Variants in YEATS4 observed in about 807,000 individuals in gnomAD.
YEATS4 encodes YEATS domain containing 4.
YEATS4 carries 17 observed loss-of-function variants against 30.1 expected under a neutral mutation model. The observed-to-expected ratio is 0.56, with a 90% CI of 0.39 to 0.85. The LOEUF (loss-of-function observed/expected upper bound fraction) is 0.85, where lower values mean the gene tolerates loss of function less well. YEATS4 is among the 40% of genes least tolerant of loss of function. YEATS4 has a pLI of 0.00. For missense variants in YEATS4, 142 were observed against 268.3 expected (o/e 0.53, Z 3.29); for synonymous variants, 85 against 87.5 (o/e 0.97, Z 0.16).
the YEATS4 span, among the ~76,000 whole-genome samples, chr12:69,420,564 T>C: frequency 6.6e-6 from 1 of 152,148 alleles, no homozygotes; most frequent in East Asian, 1.9e-4. Flanking sequence ...TTGGCAGCTC[T>C]TGACAAAAAG....
chr12:69,376,091 G>A (rs1281282905), intron 6 of YEATS4, among the ~76,000 whole-genome samples: 1 of 152,170 alleles, frequency 6.6e-6, no homozygotes, highest in Non-Finnish European at 1.5e-5. Flanking sequence ...TACAGGCTGG[G>A]TGTGGTGGCT....
chr12:69,359,835 C>G lies in YEATS4; in HGVS notation c.-138C>G, dbSNP rs566062553. On this transcript the variant is annotated 5_prime_UTR_variant, in exon 1 of 7. Coordinates refer to ENST00000247843, the MANE Select transcript of YEATS4 (RefSeq NM_006530.4). ...GTTGACGGTTACTCACCGCCGTGAGCCCAAGTAACTCGCCCTCCTTCGGCT... is the reference window on the plus strand; with the variant it reads ...GTTGACGGTTACTCACCGCCGTGAGGCCAAGTAACTCGCCCTCCTTCGGCT... 3.0e-6 allele frequency: 3 copies of G among 1,014,744 alleles called. No individual in the cohort carries two copies. Among genetic ancestry groups the G allele is most frequent in the African/African-American group, 1.7e-5 (1 of 60,536 alleles). 62.9% of individuals were successfully genotyped at this position (1,014,744 alleles called of 1,614,324 possible).
At chr12:69,387,065 G>A (rs576503441) in intron 6 of YEATS4, among the ~76,000 whole-genome samples, 1 of 152,098 alleles carries the variant, frequency 6.6e-6, no homozygotes, top group South Asian at 2.1e-4. Flanking sequence ...ATTGACAGTG[G>A]CTAACTGTAA....
intron 6 of YEATS4, among the ~76,000 whole-genome samples, chr12:69,374,140 GT>G (rs56302338): frequency 3.4e-5 from 5 of 147,178 alleles, no homozygotes; most frequent in Admixed American, 6.7e-5. Context: ...TTTAGGTTTT[GT>G]TTTTTTTTTT....
At position 69,390,868 on chromosome 12, in the gene YEATS4, T is replaced by A. The variant is rs1868309506; in HGVS notation, c.*552T>A. 6.6e-6 allele frequency: 1 copy of A among 152,272 alleles called. No homozygotes were observed. Among genetic ancestry groups the A allele is most frequent in the South Asian group, 2.1e-4 (1 of 4,836 alleles). 9.4% of individuals were successfully genotyped at this position (152,272 alleles called of 1,614,324 possible). A position where few individuals can be genotyped will look rare whatever the true frequency, so the allele number is the denominator to read the frequency against. On this transcript the variant is annotated 3_prime_UTR_variant, in exon 7 of 7. Coordinates refer to ENST00000247843, the MANE Select transcript of YEATS4 (RefSeq NM_006530.4). ...CTCCCTCAATACAGTTAAAGTATCT[T>A]TATAGTATTGTGACATCACATCTCT...
intron 1 of YEATS4, among the ~76,000 whole-genome samples, chr12:69,362,013 G>GTTTTTGTT (rs1555174243): frequency 8.7e-5 from 6 of 69,080 alleles, no homozygotes; most frequent in African/African-American, 2.5e-4. Context: ...GTGTTTGGTT[G>GTTTTTGTT]TTTTTTTTTT....
chr12:69,383,762 A>G (rs1443910255), intron 6 of YEATS4, among the ~76,000 whole-genome samples: 5 of 152,192 alleles, frequency 3.3e-5, no homozygotes, highest in Admixed American at 3.3e-4. Flanking sequence ...GGATAAGAGA[A>G]CATCAGATAA....
At chr12:69,376,505 G>T (rs1425005542) in intron 6 of YEATS4, among the ~76,000 whole-genome samples, 1 of 152,208 alleles carries the variant, frequency 6.6e-6, no homozygotes, top group African/African-American at 2.4e-5. Flanking sequence ...TCGATATGAG[G>T]TATCACATTG....
intron 6 of YEATS4, among the ~76,000 whole-genome samples, chr12:69,373,591 T>C (rs1875729757): frequency 6.6e-6 from 1 of 151,726 alleles, no homozygotes; most frequent in African/African-American, 2.4e-5. Flanking sequence ...CTCTTCACTT[T>C]GTTGTTTCCT....
At chr12:69,399,712 A>C in the YEATS4 span, among the ~76,000 whole-genome samples, 1 of 152,236 alleles carries the variant, frequency 6.6e-6, no homozygotes, top group East Asian at 1.9e-4. Flanking sequence ...CATCATTCAG[A>C]ATAGCTAAAA....
intron 6 of YEATS4, among the ~76,000 whole-genome samples, chr12:69,376,883 G>T (rs893559070): frequency 6.6e-6 from 1 of 152,140 alleles, no homozygotes; most frequent in Non-Finnish European, 1.5e-5. Context: ...CTTGTTGCTT[G>T]TTACTGGTCT....
downstream of YEATS4, among the ~76,000 whole-genome samples, chr12:69,395,004 G>A (rs1160041890): frequency 6.6e-6 from 1 of 152,124 alleles, no homozygotes; most frequent in Non-Finnish European, 1.5e-5. Context: ...AAAAAAGACA[G>A]TGATAGCAAG....
the YEATS4 span, among the ~76,000 whole-genome samples, chr12:69,425,170 G>T: frequency 6.0e-3 from 906 of 152,046 alleles, 3 homozygotes; most frequent in Non-Finnish European, 8.4e-3. Context: ...TGATCTGTCC[G>T]CCTCGGCCTC....
chr12:69,362,950 CTG>C (rs1875278651), intron 2 of YEATS4, 43 bp downstream of exon 2: 1 of 934,248 alleles, frequency 1.1e-6, no homozygotes, highest in Non-Finnish European at 1.4e-6. Flanking sequence ...TTAAAGTTGT[CTG>C]TAATTTGTTT....
chr12:69,373,927 A>G (rs1875741305), intron 6 of YEATS4, among the ~76,000 whole-genome samples: 1 of 152,138 alleles, frequency 6.6e-6, no homozygotes, highest in South Asian at 2.1e-4. Context: ...GTCAAAAATG[A>G]GTTCCCTGTA....
downstream of YEATS4, among the ~76,000 whole-genome samples, chr12:69,395,754 G>C (rs1868347032): frequency 6.6e-6 from 1 of 152,210 alleles, no homozygotes; most frequent in South Asian, 2.1e-4. Flanking sequence ...AACATGACCT[G>C]TAAATGATGT....
the YEATS4 span, among the ~76,000 whole-genome samples, chr12:69,422,440 T>C: frequency 1.3e-5 from 2 of 151,934 alleles, no homozygotes; most frequent in African/African-American, 4.8e-5. Context: ...AAGACCAGCC[T>C]GGCCAACATG....
the YEATS4 span, among the ~76,000 whole-genome samples, chr12:69,426,826 T>C: frequency 6.6e-6 from 1 of 152,114 alleles, no homozygotes; most frequent in African/African-American, 2.4e-5. Flanking sequence ...TGAAGTGAGG[T>C]CTCAAGGGTA....
Position 69,359,750 on chromosome 12 carries a change from C to A in YEATS4, c.-223C>A, listed in dbSNP as rs2306204. The stretch of plus-strand genomic sequence containing the variant: ...GCGGTGCGGCCGTCGCCCCTCTTTT[C>A]GCGGCGTTCTCCACCTGCGCGGGCC... On this transcript the variant is annotated 5_prime_UTR_variant, in exon 1 of 7. Transcript: ENST00000247843. The A allele has an allele frequency of 0.074, 41,208 of 553,930 alleles. 2,678 individuals carry two copies. The highest frequency in any genetic ancestry group is 0.26 in the East Asian group (8,279 of 31,866). The allele number at this position is 553,930 out of a possible 1,614,324, so 34.3% of individuals were successfully genotyped here. A position where few individuals can be genotyped will look rare whatever the true frequency, so the allele number is the denominator to read the frequency against.
Sources: allele counts gnomAD v4.1 joint callset (sites outside exome capture counted in the v4.1 genomes callset), GRCh38; gene constraint gnomAD v4.1.1; transcripts MANE v1.5; gene names NCBI Gene and HGNC (gene_info 2026-07-23, HGNC 2026-07-21).